Variants in SYT9 observed in about 807,000 individuals in gnomAD.
The protein encoded by SYT9 is synaptotagmin 9.
SYT9 carries 22 observed loss-of-function variants against 48.4 expected under a neutral mutation model. The observed-to-expected ratio is 0.45, with a 90% CI of 0.32 to 0.65. The LOEUF is 0.65. Among genes scored for constraint, SYT9 ranks in the 30% least tolerant of loss-of-function variants. The pLI is 0.03. For synonymous variants in SYT9, 265 were observed against 245.0 expected (o/e 1.08, Z -0.76); for missense variants, 577 against 622.0 (o/e 0.93, Z 0.77).
intron 2 of SYT9, among the ~76,000 whole-genome samples, chr11:7,308,200 A>G (rs551068641): frequency 6.6e-6 from 1 of 152,290 alleles, no homozygotes; most frequent in East Asian, 1.9e-4. Flanking sequence ...CCCTGCCTTG[A>G]CTTGAACATA....
At position 7,466,826 on chromosome 11, in the gene SYT9, C is replaced by G; in HGVS notation, c.*26C>G. ...CCATGGGTAAGAGGACTGCTTGTGC[C>G]AAGGACAAAATAGGACAACCATCTC... On this transcript the variant is annotated 3_prime_UTR_variant, in exon 7 of 7. Coordinates refer to ENST00000318881, the MANE Select transcript of SYT9 (RefSeq NM_175733.4). 1 of 1,611,288 alleles carries G rather than the reference C, an allele frequency of 6.2e-7. No homozygotes were observed. The highest frequency in any genetic ancestry group is 8.5e-7 in the Non-Finnish European group (1 of 1,179,222).
At chr11:7,279,417 G>A (rs1390783445) in intron 1 of SYT9, among the ~76,000 whole-genome samples, 1 of 152,166 alleles carries the variant, frequency 6.6e-6, no homozygotes, top group Non-Finnish European at 1.5e-5. Flanking sequence ...GCTCATGCCA[G>A]AGAAGCAGGA....
chr11:7,275,875 C>G (rs1334760194), intron 1 of SYT9, among the ~76,000 whole-genome samples: 1 of 152,192 alleles, frequency 6.6e-6, no homozygotes, highest in Non-Finnish European at 1.5e-5. Flanking sequence ...CCCCAAAAGT[C>G]CCCATATGTG....
At chr11:7,238,801 G>A (rs1029785078) in exon 1 of SYT9, 1 of 455,174 alleles carries the variant, frequency 2.2e-6, no homozygotes, top group Non-Finnish European at 4.4e-6. Context: ...TTGTCAACAT[G>A]ATCCTCCTGC....
At chr11:7,367,155 C>T (rs1850266487) in intron 3 of SYT9, among the ~76,000 whole-genome samples, 2 of 139,952 alleles carry the variant, frequency 1.4e-5, no homozygotes, top group East Asian at 2.1e-4. Context: ...AATCTCGGCT[C>T]ACTGCAAGCT....
chr11:7,348,596 G>A (rs966399440), intron 3 of SYT9, among the ~76,000 whole-genome samples: 5 of 148,608 alleles, frequency 3.4e-5, no homozygotes, highest in African/African-American at 1.2e-4. Flanking sequence ...ACTGCCCTCA[G>A]CTTCATGAAC....
intron 3 of SYT9, among the ~76,000 whole-genome samples, chr11:7,356,409 C>G (rs1202187177): frequency 6.6e-6 from 1 of 152,190 alleles, no homozygotes; most frequent in Non-Finnish European, 1.5e-5. Flanking sequence ...AGGCTGTAGC[C>G]TTAGCAACCT....
chr11:7,386,961 T>G (rs1355785138), intron 3 of SYT9, among the ~76,000 whole-genome samples: 1 of 152,206 alleles, frequency 6.6e-6, no homozygotes, highest in African/African-American at 2.4e-5. Context: ...TGGAATACTA[T>G]GCAGCCATAA....
At chr11:7,398,412 C>CT (rs71059106) in intron 3 of SYT9, among the ~76,000 whole-genome samples, 47 of 125,848 alleles carry the variant, frequency 3.7e-4, no homozygotes, top group South Asian at 1.0e-3. Flanking sequence ...GTTTTCTTTT[C>CT]TTTTTTTTTT....
chr11:7,261,984 C>T (rs997995380), intron 1 of SYT9, among the ~76,000 whole-genome samples: 13 of 152,144 alleles, frequency 8.5e-5, no homozygotes, highest in Admixed American at 6.5e-5. Flanking sequence ...AAGGATCACT[C>T]TGACCAGCAC....
intron 1 of SYT9, among the ~76,000 whole-genome samples, chr11:7,300,700 C>G (rs1304773983): frequency 6.6e-6 from 1 of 152,120 alleles, no homozygotes; most frequent in East Asian, 1.9e-4. Context: ...CTATGTGGAG[C>G]CTATTTTGTG....
intron 3 of SYT9, among the ~76,000 whole-genome samples, chr11:7,370,331 A>T (rs1017353667): frequency 2.0e-5 from 3 of 152,178 alleles, no homozygotes; most frequent in African/African-American, 7.2e-5. Context: ...TGTCATTTAT[A>T]AGATTTTTTT....
At chr11:7,443,309 T>G (rs572864458) in intron 6 of SYT9, among the ~76,000 whole-genome samples, 1 of 152,286 alleles carries the variant, frequency 6.6e-6, no homozygotes, top group African/African-American at 2.4e-5. Flanking sequence ...GCTGAGGAAA[T>G]AGACATAAGA....
intron 3 of SYT9, among the ~76,000 whole-genome samples, chr11:7,339,265 C>G (rs1294023171): frequency 6.6e-6 from 1 of 152,072 alleles, no homozygotes; most frequent in Admixed American, 6.6e-5. Context: ...GAATGGGTCT[C>G]TTGAAGACAG....
intron 3 of SYT9, among the ~76,000 whole-genome samples, chr11:7,370,995 C>T (rs1238185348): frequency 6.6e-6 from 1 of 152,078 alleles, no homozygotes; most frequent in Non-Finnish European, 1.5e-5. Flanking sequence ...TTTTGAGATA[C>T]TTATGTACCA....
At chr11:7,280,690 G>A (rs1386988049) in intron 1 of SYT9, among the ~76,000 whole-genome samples, 2 of 152,210 alleles carry the variant, frequency 1.3e-5, no homozygotes, top group East Asian at 3.8e-4. Flanking sequence ...GTGGAGCTGG[G>A]AAGAGATGTG....
intron 6 of SYT9, among the ~76,000 whole-genome samples, chr11:7,423,553 A>G (rs1466305980): frequency 2.0e-5 from 3 of 152,222 alleles, no homozygotes; most frequent in African/African-American, 7.2e-5. Context: ...GGATTAAACA[A>G]TCTATTTATA....
chr11:7,372,673 AT>A (rs1280472032), intron 3 of SYT9, among the ~76,000 whole-genome samples: 1 of 151,928 alleles, frequency 6.6e-6, no homozygotes, highest in Non-Finnish European at 1.5e-5. Flanking sequence ...GGAATTCTTT[AT>A]TTTTATATAC....
chr11:7,465,766 TGG>T (rs1848320148), intron 6 of SYT9: 1 of 181,442 alleles, frequency 5.5e-6, no homozygotes, highest in Non-Finnish European at 1.1e-5. Flanking sequence ...TCCACATGGC[TGG>T]GGAGGCCTCA....
Sources: allele counts gnomAD v4.1 joint callset (sites outside exome capture counted in the v4.1 genomes callset), GRCh38; gene constraint gnomAD v4.1.1; transcripts MANE v1.5; gene names NCBI Gene and HGNC (gene_info 2026-07-23, HGNC 2026-07-21).